CLSTN2: variants seen among roughly 807,000 people sequenced by gnomAD.
The protein encoded by CLSTN2 is calsyntenin 2, also known as calsyntenin-2.
In CLSTN2, 48 loss-of-function variants were observed where a neutral mutation model predicts 101.2. That is an observed-to-expected ratio of 0.47 (90% CI 0.38 to 0.60). CLSTN2 has a LOEUF of 0.60. Among genes scored for constraint, CLSTN2 ranks in the 20% least tolerant of loss-of-function variants. The pLI, the probability that CLSTN2 is intolerant of heterozygous loss-of-function variation, is 0.00. For missense variants in CLSTN2, 1,160 were observed against 1,238.2 expected, an observed-to-expected ratio of 0.94 and a Z score of 0.95; for synonymous variants, 481 against 463.6, an observed-to-expected ratio of 1.04 and a Z score of -0.48.
intron 2 of CLSTN2, among the ~76,000 whole-genome samples, chr3:140,294,740 C>T (rs2086986981): frequency 6.6e-6 from 1 of 152,110 alleles, no homozygotes; most frequent in Non-Finnish European, 1.5e-5. Flanking sequence ...TAACAAAGTA[C>T]CATAGACTGG....
chr3:139,957,915 G>A (rs943468423), intron 1 of CLSTN2, among the ~76,000 whole-genome samples: 1 of 152,166 alleles, frequency 6.6e-6, no homozygotes, highest in African/African-American at 2.4e-5. Context: ...ATCGCCGGGC[G>A]ATCCCCTGTG....
chr3:140,321,995 T>C (rs531942221), intron 2 of CLSTN2, among the ~76,000 whole-genome samples: 20 of 152,314 alleles, frequency 1.3e-4, no homozygotes, highest in Non-Finnish European at 2.4e-4. Flanking sequence ...AGGCCCTCAC[T>C]GTCACTCTCT....
intron 2 of CLSTN2, among the ~76,000 whole-genome samples, chr3:140,279,298 T>A (rs4076964): frequency 1.3e-5 from 2 of 152,160 alleles, no homozygotes; most frequent in Non-Finnish European, 2.9e-5. Context: ...TGGCTCAGCA[T>A]CCGAATTCAG....
At position 140,276,308 on chromosome 3, in the gene CLSTN2, A is replaced by G. The variant is rs181643408; in HGVS notation, c.232+100235A>G. On this transcript the variant is annotated intron_variant, in intron 2 of 16. Transcript: ENST00000458420. ...GCATGCCCAGTTTGAAGGCCCTGAG[A>G]GTCCATTTAACTTCCAGAAAGCAGT... 1.6e-4 allele frequency among the ~76,000 whole-genome samples: 24 copies of G among 152,290 alleles called. No individual in the cohort carries two copies. The East Asian group carries it at 2.3e-3, about 15-fold the overall frequency.
chr3:139,964,914 C>T (rs748410424), intron 1 of CLSTN2, among the ~76,000 whole-genome samples: 2 of 152,120 alleles, frequency 1.3e-5, no homozygotes, highest in Non-Finnish European at 2.9e-5. Context: ...GGGGAATGAC[C>T]TGTTTTGTCC....
At chr3:140,459,081 C>T (rs994841884) in intron 6 of CLSTN2, among the ~76,000 whole-genome samples, 2 of 152,158 alleles carry the variant, frequency 1.3e-5, no homozygotes, top group African/African-American at 4.8e-5. Context: ...GACTCACCTT[C>T]ATAGAGCCAG....
intron 1 of CLSTN2, among the ~76,000 whole-genome samples, chr3:139,974,604 T>C (rs1233127940): frequency 6.6e-6 from 1 of 152,256 alleles, no homozygotes; most frequent in Non-Finnish European, 1.5e-5. Flanking sequence ...CAGCATATGT[T>C]GCACTGAGTA....
intron 2 of CLSTN2, among the ~76,000 whole-genome samples, chr3:140,287,964 A>G (rs564893142): frequency 6.6e-6 from 1 of 152,202 alleles, no homozygotes; most frequent in Non-Finnish European, 1.5e-5. Context: ...TAAGTTGCTC[A>G]TCTTTCAAAA....
chr3:140,072,221 A>G (rs942187873), intron 1 of CLSTN2, among the ~76,000 whole-genome samples: 1 of 152,204 alleles, frequency 6.6e-6, no homozygotes, highest in Non-Finnish European at 1.5e-5. Flanking sequence ...AACAACATAA[A>G]TATCCATTAG....
At chr3:140,459,868 G>C in intron 7 of CLSTN2, 99 bp downstream of exon 7, 1 of 1,378,070 alleles carries the variant, frequency 7.3e-7, no homozygotes, top group Non-Finnish European at 1.0e-6. Flanking sequence ...GGATGTGGAA[G>C]AAAAGCAGGA....
chr3:140,219,670 G>A (rs893156376), intron 2 of CLSTN2, among the ~76,000 whole-genome samples: 3 of 152,176 alleles, frequency 2.0e-5, no homozygotes, highest in Non-Finnish European at 4.4e-5. Flanking sequence ...TCCAGGCAGC[G>A]CTGCAGATTC....
chr3:140,082,297 T>C (rs936907561), intron 1 of CLSTN2, among the ~76,000 whole-genome samples: 3 of 152,164 alleles, frequency 2.0e-5, no homozygotes, highest in African/African-American at 7.2e-5. Flanking sequence ...TCCTTGAATA[T>C]AGAGGGCTGT....
chr3:140,484,866 T>C (rs1934204324), intron 8 of CLSTN2, among the ~76,000 whole-genome samples: 1 of 152,182 alleles, frequency 6.6e-6, no homozygotes, highest in Admixed American at 6.5e-5. Context: ...TTCGTCTTAT[T>C]TTTTTTCAAG....
chr3:140,166,672 T>C (rs2107823027), intron 1 of CLSTN2, among the ~76,000 whole-genome samples: 1 of 152,308 alleles, frequency 6.6e-6, no homozygotes. Context: ...ATCTGTGCTC[T>C]AGTTAAAGGC....
At chr3:140,052,189 C>A (rs756772731) in intron 1 of CLSTN2, among the ~76,000 whole-genome samples, 1 of 152,144 alleles carries the variant, frequency 6.6e-6, no homozygotes, top group African/African-American at 2.4e-5. Flanking sequence ...GACAGAGTCT[C>A]GCTCTGTCGC....
At chr3:140,489,615 AACACCCACC>A (rs967896365) in intron 8 of CLSTN2, among the ~76,000 whole-genome samples, 4 of 152,054 alleles carry the variant, frequency 2.6e-5, no homozygotes, top group Middle Eastern at 3.2e-3. Flanking sequence ...ACAATGTTTA[AACACCCACC>A]ACACCCCGGC....
chr3:140,513,583 C>CTTCT (rs374321434), intron 8 of CLSTN2, among the ~76,000 whole-genome samples: 13,593 of 117,656 alleles, frequency 0.12, 782 homozygotes, highest in Non-Finnish European at 0.16. Flanking sequence ...TTTTTTCTTT[C>CTTCT]TTTTTTTTTT....
rs184830530 is a variant in CLSTN2, at chr3:140,383,538, A to G, written c.233-20091A>G. On this transcript the variant is annotated intron_variant, in intron 2 of 16. Coordinates refer to ENST00000458420, the MANE Select transcript of CLSTN2 (RefSeq NM_022131.3). Reference sequence around the variant, plus strand: ...AAAACATAGGTAATTCTGAGCAGCTACAAAATGACTTCTGTCAATTTTATT... The same window carrying G: ...AAAACATAGGTAATTCTGAGCAGCTGCAAAATGACTTCTGTCAATTTTATT... Among the ~76,000 whole-genome samples, 27 of 152,366 alleles carry G rather than the reference A, an allele frequency of 1.8e-4. No homozygotes were observed. In the East Asian group the frequency reaches 4.2e-3, roughly 24 times the overall value.
chr3:140,313,845 A>G (rs764208246), intron 2 of CLSTN2, among the ~76,000 whole-genome samples: 2 of 152,342 alleles, frequency 1.3e-5, no homozygotes, highest in Non-Finnish European at 2.9e-5. Flanking sequence ...GCCTTTGGGA[A>G]GGTGACATCT....
Sources: allele counts gnomAD v4.1 joint callset (sites outside exome capture counted in the v4.1 genomes callset), GRCh38; gene constraint gnomAD v4.1.1; transcripts MANE v1.5; gene names NCBI Gene and HGNC (gene_info 2026-07-23, HGNC 2026-07-21).